The following CSMD1 variants were observed in gnomAD, a reference collection of about 807,000 sequenced individuals.
The protein encoded by CSMD1 is CUB and Sushi multiple domains 1.
In CSMD1, 213 loss-of-function variants were observed where a neutral mutation model predicts 417.5. The observed-to-expected ratio is 0.51, with a 90% CI of 0.46 to 0.57. The LOEUF is 0.57. CSMD1 is among the 20% of genes least tolerant of loss of function. The pLI, the probability that CSMD1 is intolerant of heterozygous loss-of-function variation, is 0.00. For synonymous variants in CSMD1, 2,862 were observed against 1,736.8 expected (o/e 1.65, Z -16.11); for missense variants, 6,923 against 4,529.7 (o/e 1.53, Z -15.17).
chr8:4,446,299 C>A (rs528682832), intron 2 of CSMD1, among the ~76,000 whole-genome samples: 11 of 152,164 alleles, frequency 7.2e-5, no homozygotes, highest in Non-Finnish European at 1.6e-4. Flanking sequence ...CGTAATCCTG[C>A]TTCTTTGGGA....
intron 12 of CSMD1, among the ~76,000 whole-genome samples, chr8:3,418,546 C>T (rs575660611): frequency 1.3e-5 from 2 of 152,114 alleles, no homozygotes; most frequent in South Asian, 2.1e-4. Flanking sequence ...TCTAGTAACC[C>T]GATTTGGGTA....
intron 1 of CSMD1, among the ~76,000 whole-genome samples, chr8:4,976,549 T>C (rs1352643110): frequency 6.6e-6 from 1 of 152,192 alleles, no homozygotes; most frequent in African/African-American, 2.4e-5. Flanking sequence ...TACAAAATTA[T>C]TGGGACTGAT....
chr8:3,733,012 C>T (rs1028139737), intron 6 of CSMD1, among the ~76,000 whole-genome samples: 1 of 151,932 alleles, frequency 6.6e-6, no homozygotes, highest in Non-Finnish European at 1.5e-5. Flanking sequence ...TACGTGTGCC[C>T]TGATCAAGGG....
chr8:2,968,585 CTCTT>C (rs2128930352), intron 57 of CSMD1, among the ~76,000 whole-genome samples: 1 of 152,224 alleles, frequency 6.6e-6, no homozygotes, highest in South Asian at 2.1e-4. Context: ...TAGTTTTTTT[CTCTT>C]TTTTTGGCTG....
intron 12 of CSMD1, among the ~76,000 whole-genome samples, chr8:3,455,995 C>A (rs1228487212): frequency 6.6e-6 from 1 of 152,060 alleles, no homozygotes; most frequent in Admixed American, 6.5e-5. Flanking sequence ...TTTACCTACT[C>A]AAGCCTGGGC....
intron 1 of CSMD1, among the ~76,000 whole-genome samples, chr8:4,704,179 C>T (rs894726643): frequency 3.9e-5 from 6 of 152,312 alleles, no homozygotes; most frequent in Non-Finnish European, 8.8e-5. Flanking sequence ...TCTATTAACA[C>T]GTAAGTCAAA....
In CSMD1 at chr8:3,796,457, ATATC is replaced by A. The variant is rs577381795; in HGVS notation, c.819-42419_819-42416del. Among the ~76,000 whole-genome samples, 237 of 138,504 alleles carry A rather than the reference ATATC, an allele frequency of 1.7e-3. 8 individuals carry two copies. The highest frequency in any genetic ancestry group is 0.015 in the Admixed American group (190 of 12,940). 90.9% of individuals were successfully genotyped at this position (138,504 alleles called of 152,430 possible). On this transcript the variant is annotated intron_variant, in intron 5 of 69. Transcript: ENST00000635120. ...ATATATCTATCGTGTATAGATATAG[ATATC>A]TATCATGTATATAGATATCTATCTA...
intron 12 of CSMD1, among the ~76,000 whole-genome samples, chr8:3,462,107 C>A (rs1327424351): frequency 7.7e-6 from 1 of 129,508 alleles, no homozygotes; most frequent in Non-Finnish European, 1.6e-5. Flanking sequence ...TTTGGGTGCT[C>A]TCTTCAGAAT....
chr8:4,374,964 G>GTGGC lies in CSMD1; in HGVS notation c.415+44988_415+44989insGCCA, dbSNP rs57235252. Among the ~76,000 whole-genome samples the GTGGC allele has an allele frequency of 1.3e-4, 10 of 74,682 alleles. 1 individual carries two copies. The highest frequency in any genetic ancestry group is 4.2e-4 in the African/African-American group (10 of 23,588). 49.0% of individuals were successfully genotyped at this position (74,682 alleles called of 152,430 possible). ...GATTAAACAGACAAAGGTGGGGTGGGGGGGGGGGGCGATAGTGGGGGTACG... is the reference window on the plus strand; with the variant it reads ...GATTAAACAGACAAAGGTGGGGTGGGTGGCGGGGGGGGGCGATAGTGGGGGTACG... On this transcript the variant is annotated intron_variant, in intron 3 of 69. Coordinates refer to ENST00000635120, the MANE Select transcript of CSMD1 (RefSeq NM_033225.6).
At chr8:4,867,895 G>A (rs1312802074) in intron 1 of CSMD1, among the ~76,000 whole-genome samples, 1 of 152,016 alleles carries the variant, frequency 6.6e-6, no homozygotes, top group Non-Finnish European at 1.5e-5. Flanking sequence ...GTTGCCACAA[G>A]ACACGGAGTT....
rs79218532 is a variant in CSMD1, at chr8:3,556,188, C to G, written c.1344+18757G>C. ...AAGTGGATTTTATAAACATGTAACA[C>G]TTAATTATGAAGACTTTTGTTTGTT... On this transcript the variant is annotated intron_variant, in intron 10 of 69. Transcript: ENST00000635120. Among the ~76,000 whole-genome samples the G allele has an allele frequency of 7.3e-3, 1,102 of 151,840 alleles. 8 individuals carry two copies. The highest frequency in any genetic ancestry group is 8.2e-3 in the Non-Finnish European group (555 of 67,946).
chr8:4,305,626 T>C lies in CSMD1; in HGVS notation c.415+114327A>G, dbSNP rs186747432. 2.0e-5 allele frequency among the ~76,000 whole-genome samples: 3 copies of C among 152,336 alleles called. No homozygotes were observed. The East Asian group carries it at 5.8e-4, about 29-fold the overall frequency. On this transcript the variant is annotated intron_variant, in intron 3 of 69. Coordinates refer to ENST00000635120, the MANE Select transcript of CSMD1 (RefSeq NM_033225.6). The stretch of plus-strand genomic sequence containing the variant: ...ATACAGAATCCACGTAAGACCGTTT[T>C]AGCTGAAGGACTCAAAAAGGCATAA...
chr8:4,453,613 G>C (rs371488860), intron 2 of CSMD1, among the ~76,000 whole-genome samples: 2 of 152,168 alleles, frequency 1.3e-5, no homozygotes, highest in East Asian at 1.9e-4. Flanking sequence ...CGACAGCACA[G>C]TGCTGAGAAA....
At chr8:2,955,277 T>G (rs2128921971) in intron 64 of CSMD1, among the ~76,000 whole-genome samples, 1 of 152,374 alleles carries the variant, frequency 6.6e-6, no homozygotes, top group Admixed American at 6.5e-5. Flanking sequence ...TTATTTTCCT[T>G]TTAACTCAGA....
chr8:3,793,128 G>T (rs1799842299), intron 5 of CSMD1, among the ~76,000 whole-genome samples: 1 of 152,132 alleles, frequency 6.6e-6, no homozygotes, highest in Non-Finnish European at 1.5e-5. Flanking sequence ...CACAAGAGTG[G>T]AAGGAACTGC....
At chr8:4,468,795 G>A (rs1218376215) in intron 2 of CSMD1, among the ~76,000 whole-genome samples, 3 of 151,984 alleles carry the variant, frequency 2.0e-5, no homozygotes, top group South Asian at 2.1e-4. Flanking sequence ...TTCATATAAT[G>A]GATAATCAAT....
chr8:3,598,618 G>A (rs1008114487), intron 8 of CSMD1, among the ~76,000 whole-genome samples: 2 of 152,100 alleles, frequency 1.3e-5, no homozygotes, highest in African/African-American at 2.4e-5. Flanking sequence ...CATCCCAAGA[G>A]CTCAGTACAG....
chr8:3,108,175 T>A (rs1327401063), intron 44 of CSMD1, among the ~76,000 whole-genome samples: 2 of 152,300 alleles, frequency 1.3e-5, no homozygotes, highest in South Asian at 4.1e-4. Context: ...TAGGTGGCAG[T>A]GTTCGTGAGA....
At chr8:4,690,534 C>T (rs1806699508) in intron 1 of CSMD1, among the ~76,000 whole-genome samples, 1 of 152,120 alleles carries the variant, frequency 6.6e-6, no homozygotes, top group Non-Finnish European at 1.5e-5. Context: ...GAAAATCTAT[C>T]TGTCATGACA....
Sources: gnomAD v4.1 joint callset for allele counts (sites outside exome capture counted in the v4.1 genomes callset) on GRCh38, gnomAD v4.1.1 for gene constraint, MANE v1.5 for transcripts, NCBI Gene and HGNC (gene_info 2026-07-23, HGNC 2026-07-21) for gene names.